Variants in ASH1L observed in about 807,000 individuals in gnomAD.
ASH1L encodes ASH1 like histone lysine methyltransferase.
ASH1L carries 23 observed loss-of-function variants against 269.0 expected under a neutral mutation model. That is an observed-to-expected ratio of 0.09 (90% confidence interval 0.06 to 0.12). The LOEUF (loss-of-function observed/expected upper bound fraction) is 0.12. ASH1L is among the 10% of genes least tolerant of loss of function. The pLI is 1.00. For synonymous variants in ASH1L, 1,187 were observed against 1,253.5 expected (o/e 0.95, Z 1.12); for missense variants, 2,912 against 3,567.8 (o/e 0.82, Z 4.68).
chr1:155,420,961 G>C (rs1660627302), intron 5 of ASH1L, among the ~76,000 whole-genome samples: 1 of 151,722 alleles, frequency 6.6e-6, no homozygotes, highest in African/African-American at 2.4e-5. Flanking sequence ...TTCTGTCCAG[G>C]CTTGGCAGCT....
intron 6 of ASH1L, among the ~76,000 whole-genome samples, chr1:155,412,456 TCA>T: frequency 6.6e-6 from 1 of 152,124 alleles, no homozygotes; most frequent in South Asian, 2.1e-4. Context: ...AAAGAAAGGT[TCA>T]GAGAGTTTCT....
At chr1:155,554,844 A>C (rs1168783079) in intron 1 of ASH1L, among the ~76,000 whole-genome samples, 1 of 152,226 alleles carries the variant, frequency 6.6e-6, no homozygotes, top group Non-Finnish European at 1.5e-5. Context: ...ATGGCTTGTT[A>C]AAGTAAATTA....
At chr1:155,473,971 G>A (rs1665331152) in intron 3 of ASH1L, among the ~76,000 whole-genome samples, 1 of 152,120 alleles carries the variant, frequency 6.6e-6, no homozygotes, top group African/African-American at 2.4e-5. Flanking sequence ...GAGTAGCTGA[G>A]ACTACAGGCA....
At chr1:155,430,952 C>T (rs962738853) in intron 5 of ASH1L, among the ~76,000 whole-genome samples, 4 of 151,976 alleles carry the variant, frequency 2.6e-5, no homozygotes, top group East Asian at 3.9e-4. Context: ...TGGTAGCTCA[C>T]GCCTGTAATC....
intron 10 of ASH1L, among the ~76,000 whole-genome samples, chr1:155,373,262 G>A (rs1656144204): frequency 6.6e-6 from 1 of 150,524 alleles, no homozygotes; most frequent in Middle Eastern, 3.4e-3. Context: ...GAAGACAAAA[G>A]AAGTCACACA....
intron 17 of ASH1L, among the ~76,000 whole-genome samples, chr1:155,349,932 C>T (rs1452516359): frequency 1.4e-5 from 2 of 147,492 alleles, no homozygotes; most frequent in Admixed American, 6.9e-5. Flanking sequence ...CTCTGTTGCC[C>T]AGGCTGGAGT....
chr1:155,508,484 C>T (rs1667955957), intron 2 of ASH1L, among the ~76,000 whole-genome samples: 2 of 152,026 alleles, frequency 1.3e-5, no homozygotes, highest in African/African-American at 2.4e-5. Context: ...ACTAAAAATA[C>T]AAAAATTAGC....
At chr1:155,506,492 T>C (rs1667822162) in intron 2 of ASH1L, among the ~76,000 whole-genome samples, 2 of 150,888 alleles carry the variant, frequency 1.3e-5, no homozygotes, top group South Asian at 4.2e-4. Context: ...AGGTCAGGAG[T>C]TCAAGATTAG....
intron 25 of ASH1L, among the ~76,000 whole-genome samples, chr1:155,341,265 C>T (rs1393159147): frequency 1.3e-5 from 2 of 152,066 alleles, no homozygotes; most frequent in African/African-American, 4.8e-5. Context: ...CAAGCTCTGC[C>T]TCCTGGGTTC....
At chr1:155,545,174 C>CAAAAA (rs1558211884) in intron 1 of ASH1L, among the ~76,000 whole-genome samples, 1 of 2,186 alleles carries the variant, frequency 4.6e-4, no homozygotes, top group Non-Finnish European at 1.4e-3. Context: ...CTCCATCTCA[C>CAAAAA]CAAAAAAAAA....
intron 5 of ASH1L, among the ~76,000 whole-genome samples, chr1:155,428,126 A>C (rs1486551862): frequency 1.3e-5 from 2 of 152,162 alleles, no homozygotes; most frequent in Non-Finnish European, 2.9e-5. Flanking sequence ...TATTTATAGC[A>C]ATGTGAGAAC....
intron 12 of ASH1L, among the ~76,000 whole-genome samples, chr1:155,363,545 C>T (rs1655148519): frequency 1.3e-5 from 2 of 152,068 alleles, no homozygotes; most frequent in African/African-American, 4.8e-5. Flanking sequence ...AGCCTGGCTG[C>T]AGAAAGCATT....
At chr1:155,393,371 G>C (rs1235202474) in intron 7 of ASH1L, among the ~76,000 whole-genome samples, 1 of 152,152 alleles carries the variant, frequency 6.6e-6, no homozygotes, top group African/African-American at 2.4e-5. Context: ...ACAGTCAAGA[G>C]AGTTAAGAGA....
intron 4 of ASH1L, among the ~76,000 whole-genome samples, chr1:155,451,947 C>T (rs1164781378): frequency 6.6e-6 from 1 of 152,060 alleles, no homozygotes; most frequent in Admixed American, 6.6e-5. Flanking sequence ...TCTTGAACTC[C>T]TGACCTCAGG....
intron 5 of ASH1L, among the ~76,000 whole-genome samples, chr1:155,437,404 T>C (rs1475235600): frequency 6.6e-6 from 1 of 152,176 alleles, no homozygotes; most frequent in Middle Eastern, 3.2e-3. Flanking sequence ...GATACCCATC[T>C]CATACTCATT....
At chr1:155,521,066 T>C (rs746252698) in intron 2 of ASH1L, 34 bp downstream of exon 2, 10 of 1,540,148 alleles carry the variant, frequency 6.5e-6, no homozygotes, top group Non-Finnish European at 8.8e-6. Flanking sequence ...GAAAATATTG[T>C]CAATAACCAC....
chr1:155,543,336 C>T (rs1002901133), intron 1 of ASH1L, among the ~76,000 whole-genome samples: 14 of 151,318 alleles, frequency 9.3e-5, no homozygotes, highest in African/African-American at 3.4e-4. Context: ...CATGGTGAAA[C>T]TCTATCTCTA....
At chr1:155,558,558 T>G (rs1479667942) in intron 1 of ASH1L, among the ~76,000 whole-genome samples, 3 of 152,168 alleles carry the variant, frequency 2.0e-5, no homozygotes, top group Admixed American at 1.3e-4. Flanking sequence ...TTCCTTTTTT[T>G]AAAGAGACAG....
intron 7 of ASH1L, among the ~76,000 whole-genome samples, chr1:155,390,662 T>C (rs565130252): frequency 7.1e-6 from 1 of 141,670 alleles, no homozygotes; most frequent in Non-Finnish European, 1.6e-5. Context: ...TTTCTTTTTT[T>C]TGAGACGGAG....
Sources: allele counts gnomAD v4.1 joint callset (sites outside exome capture counted in the v4.1 genomes callset), GRCh38; gene constraint gnomAD v4.1.1; transcripts MANE v1.5; gene names NCBI Gene and HGNC (gene_info 2026-07-23, HGNC 2026-07-21).